AMOT: variants seen among roughly 807,000 people sequenced by gnomAD.
AMOT encodes the protein angiomotin.
Under a neutral mutation model 67.0 loss-of-function variants are expected in AMOT, and 11 were observed. That is an observed-to-expected ratio of 0.16 (90% CI 0.10 to 0.27). The LOEUF (loss-of-function observed/expected upper bound fraction) is 0.27, where lower values mean the gene tolerates loss of function less well. Ranked by LOEUF, AMOT falls within the 10% of genes least tolerant of loss-of-function variation. The probability of loss-of-function intolerance (pLI) is 1.00; values close to 1 mark genes in which losing one functional copy is unlikely to be tolerated. For missense variants in AMOT, 753 were observed against 852.0 expected, an observed-to-expected ratio of 0.88 and a Z score of 1.45; for synonymous variants, 326 against 321.4, an observed-to-expected ratio of 1.01 and a Z score of -0.15.
At chrX:112,781,278 AAAAACAC>A (rs1933157580) in intron 11 of AMOT, among the ~76,000 whole-genome samples, 160 bp from the exon 12 acceptor site, 1 of 110,451 alleles carries the variant, frequency 9.1e-6, no homozygotes, top group African/African-American at 3.3e-5. Context: ...TGTCTCTACT[AAAAACAC>A]AAAAATTAGC....
chrX:112,810,269 G>A (rs1934318010), intron 6 of AMOT, among the ~76,000 whole-genome samples: 1 of 111,428 alleles, frequency 9.0e-6, no homozygotes, highest in African/African-American at 3.3e-5. Context: ...AATATATAAA[G>A]ATATCTTTCA....
chrX:112,790,063 C>G (rs1372542726), intron 10 of AMOT, among the ~76,000 whole-genome samples: 2 of 102,752 alleles, frequency 1.9e-5, no homozygotes, highest in African/African-American at 7.2e-5. Flanking sequence ...ACCGCTCACG[C>G]ACGATGAGGT....
At chrX:112,829,834 G>C (rs1040623812) in intron 2 of AMOT, among the ~76,000 whole-genome samples, 2 of 111,947 alleles carry the variant, frequency 1.8e-5, no homozygotes, top group Admixed American at 1.9e-4. Flanking sequence ...GACATACTGG[G>C]TAGCAAGGAG....
chrX:112,788,550 T>C (rs1933457223), intron 10 of AMOT, among the ~76,000 whole-genome samples: 1 of 112,228 alleles, frequency 8.9e-6, no homozygotes, highest in African/African-American at 3.2e-5. Flanking sequence ...CCAACCTCCA[T>C]GGTAGAACGT....
chrX:112,786,812 T>G (rs759982137), intron 10 of AMOT, among the ~76,000 whole-genome samples: 41 of 112,418 alleles, frequency 3.6e-4, no homozygotes, highest in African/African-American at 1.3e-3. Flanking sequence ...ATGAAAGAAA[T>G]AAATTTCCTG....
intron 1 of AMOT, among the ~76,000 whole-genome samples, chrX:112,832,962 G>A (rs1465438339): frequency 8.9e-6 from 1 of 112,024 alleles, no homozygotes; most frequent in Non-Finnish European, 1.9e-5. Context: ...CTGTTGCCTT[G>A]CAAGCACAGG....
At chrX:112,824,713 C>T (rs1934799216) in intron 3 of AMOT, among the ~76,000 whole-genome samples, 1 of 111,064 alleles carries the variant, frequency 9.0e-6, no homozygotes, top group South Asian at 3.8e-4. Context: ...TTCCATTCCT[C>T]CCAATGTGCC....
At chrX:112,792,036 G>C in intron 8 of AMOT, 55 bp from the exon 9 acceptor site, 2 of 1,175,999 alleles carry the variant, frequency 1.7e-6, no homozygotes, top group Admixed American at 4.4e-5. Context: ...GCAAGCAACA[G>C]GGTCAATTAT....
chrX:112,834,794 G>C (rs950210170), intron 1 of AMOT, among the ~76,000 whole-genome samples: 2 of 112,866 alleles, frequency 1.8e-5, no homozygotes, highest in African/African-American at 6.4e-5. Flanking sequence ...TTTTGGAGGA[G>C]CTTTGAATAA....
At chrX:112,819,006 T>C (rs1934641110) in intron 4 of AMOT, among the ~76,000 whole-genome samples, 1 of 110,682 alleles carries the variant, frequency 9.0e-6, no homozygotes, top group Admixed American at 9.5e-5. Flanking sequence ...ATAGCATACA[T>C]GCAGGACAAA....
chrX:112,834,916 C>A (rs886751993), intron 1 of AMOT, among the ~76,000 whole-genome samples: 1 of 112,166 alleles, frequency 8.9e-6, no homozygotes, highest in Admixed American at 9.4e-5. Flanking sequence ...CCACACAGTA[C>A]AAAACTGTTT....
At chrX:112,837,822 A>C (rs1321791394) in intron 1 of AMOT, among the ~76,000 whole-genome samples, 1 of 111,783 alleles carries the variant, frequency 8.9e-6, no homozygotes, top group African/African-American at 3.3e-5. Flanking sequence ...ATTCTAAACA[A>C]ATTGGTTTAG....
intron 8 of AMOT, 31 bp downstream of exon 8, chrX:112,804,916 C>CCCCCCCCCAAATGA: frequency 8.4e-7 from 1 of 1,190,687 alleles, no homozygotes; most frequent in South Asian, 1.8e-5. Flanking sequence ...CTCCCACCCC[C>CCCCCCCCCAAATGA]AGGCTCATAT....
intron 10 of AMOT, 28 bp downstream of exon 10, chrX:112,790,564 A>G: frequency 2.6e-6 from 3 of 1,160,650 alleles, no homozygotes; most frequent in Non-Finnish European, 3.5e-6. Context: ...TGTTCTTCCC[A>G]CTCATGCCCT....
chrX:112,779,208 C>T lies in AMOT; in HGVS notation c.2946G>A (p.Pro982=), dbSNP rs200123694. The T allele has an allele frequency of 8.9e-4, 659 of 739,329 alleles. 8 individuals carry two copies. The East Asian group carries it at 0.016, about 18-fold the overall frequency. 60.9% of individuals were successfully genotyped at this position (739,329 alleles called of 1,213,427 possible). The change falls in exon 13 of 14, where the codon CCG becomes CCA. Residue 982 remains proline, a synonymous_variant. Coordinates refer to ENST00000371959, the MANE Select transcript of AMOT (RefSeq NM_001113490.2). ...CTGGAGCTGGAACCGGAACCAGAGCCGGAGCTGGAACTGGAGCCGGAGCAG... is the reference window on the plus strand; with the variant it reads ...CTGGAGCTGGAACCGGAACCAGAGCTGGAGCTGGAACTGGAGCCGGAGCAG... The part of the protein sequence containing the change: ...APAAPAPVPA[P]ALVPVPAPAA...
chrX:112,833,986 A>C (rs771349098), intron 1 of AMOT, among the ~76,000 whole-genome samples: 11 of 112,494 alleles, frequency 9.8e-5, no homozygotes, highest in Non-Finnish European at 1.9e-4. Context: ...GTTTTAATTG[A>C]GCTATTCTTT....
In AMOT at chrX:112,779,162, G is replaced by C; in HGVS notation, c.2992C>G (p.Pro998Ala). 8 of 918,303 alleles carry C rather than the reference G, an allele frequency of 8.7e-6. No individual in the cohort carries two copies. In the Admixed American group the frequency reaches 1.5e-4, roughly 18 times the overall value. 75.7% of individuals were successfully genotyped at this position (918,303 alleles called of 1,213,427 possible). Residue 998 changes from proline to alanine, a missense_variant, in exon 13 of 14, where the codon CCT (proline) becomes GCT (alanine). By Grantham distance (27) the Pro-to-Ala change is conservative. Transcript: ENST00000371959. ...PAPAAAQASA[P>A]AQTQAPTSAP... is the part of the protein sequence containing the mutation. Reference sequence around the variant, plus strand: ...GAAGTTGGTGCCTGAGTCTGAGCAGGAGCAGAAGCCTGAGCCGCTGCTGGA... The same window carrying C: ...GAAGTTGGTGCCTGAGTCTGAGCAGCAGCAGAAGCCTGAGCCGCTGCTGGA...
chrX:112,791,966 C>G lies in AMOT; in HGVS notation c.1792G>C (p.Val598Leu), dbSNP rs1375468564. Reference sequence around the variant, plus strand: ...ATCTTCTCCACCTTGTCAACGTACACTTGCTTCTTTTTCAGCTGGAAATCC... The same window carrying G: ...ATCTTCTCCACCTTGTCAACGTACAGTTGCTTCTTTTTCAGCTGGAAATCC... ...KLEEELKKKQ[V>L]YVDKVEKMQQ... The change falls in exon 9 of 14, where the codon GTG (valine) becomes CTG (leucine). Residue 598 changes from valine to leucine, a missense_variant. Coordinates refer to ENST00000371959, the MANE Select transcript of AMOT (RefSeq NM_001113490.2). 1 of 1,210,916 alleles carries G rather than the reference C, an allele frequency of 8.3e-7. No homozygotes were observed. Among genetic ancestry groups the G allele is most frequent in the East Asian group, 3.0e-5 (1 of 33,813 alleles).
intron 8 of AMOT, among the ~76,000 whole-genome samples, chrX:112,796,203 C>T (rs1316930097): frequency 9.0e-6 from 1 of 111,611 alleles, no homozygotes; most frequent in African/African-American, 3.3e-5. Flanking sequence ...CATTCTTAGG[C>T]GTAAAAACAA....
Sources: allele counts gnomAD v4.1 joint callset (sites outside exome capture counted in the v4.1 genomes callset), GRCh38; gene constraint gnomAD v4.1.1; transcripts MANE v1.5; gene names NCBI Gene and HGNC (gene_info 2026-07-23, HGNC 2026-07-21).